Variants in PRKD1 observed in about 807,000 individuals in gnomAD.
PRKD1 encodes the protein protein kinase D1.
PRKD1 carries 63 observed loss-of-function variants against 95.9 expected under a neutral mutation model. The ratio of observed to expected loss-of-function variants is 0.66; its 90% CI spans 0.54 to 0.81. The LOEUF (loss-of-function observed/expected upper bound fraction) is 0.81, where lower values mean the gene tolerates loss of function less well. Ranked by LOEUF, PRKD1 falls within the 30% of genes least tolerant of loss-of-function variation. The pLI is 0.00. For synonymous variants in PRKD1, 425 were observed against 423.1 expected, an observed-to-expected ratio of 1.00 and a Z score of -0.05; for missense variants, 1,048 against 1,165.3, an observed-to-expected ratio of 0.90 and a Z score of 1.47.
At position 29,666,120 on chromosome 14, in the gene PRKD1, T is replaced by G; in HGVS notation, c.492A>C (p.Gly164=). ...GACGTACCAGCCCCCACAGCATTTC[T>G]CCACAGTGATCACAGAAAGCTGGAG... ...YRAPAFCDHC[G]EMLWGLVRQG... Residue 164 remains glycine (G), a synonymous_variant, in exon 3 of 18, where the codon GGA becomes GGC. Transcript: ENST00000331968. 1 of 1,605,862 alleles carries G rather than the reference T, an allele frequency of 6.2e-7. No homozygotes were observed.
Position 29,926,572 on chromosome 14 carries a change from C to CG in PRKD1, c.264+676dup, listed in dbSNP as rs776586944. Among the ~76,000 whole-genome samples the CG allele has an allele frequency of 5.1e-4, 78 of 152,220 alleles. No individual in the cohort carries two copies. The Middle Eastern group carries it at 0.01, about 20-fold the overall frequency. On this transcript the variant is annotated intron_variant, in intron 1 of 17. Coordinates refer to ENST00000331968, the MANE Select transcript of PRKD1 (RefSeq NM_002742.3). ...TCAAACTTAAGGACACAGCCAGCCT[C>CG]GGGGTGTTCCTGGACATCACCCCCA... is the stretch of plus-strand genomic sequence containing the variant.
chr14:29,922,716 T>C lies in PRKD1; in HGVS notation c.264+4533A>G, dbSNP rs938360112. Among the ~76,000 whole-genome samples, 3 of 151,728 alleles carry C rather than the reference T, an allele frequency of 2.0e-5. No homozygotes were observed. In the South Asian group the frequency reaches 6.3e-4, roughly 32 times the overall value. Reference sequence around the variant, plus strand: ...CTGGGCAACACAGTGAGACATTGTCTGTATAAAAAAATTATAAAAATTAGT... The same window carrying C: ...CTGGGCAACACAGTGAGACATTGTCCGTATAAAAAAATTATAAAAATTAGT... On this transcript the variant is annotated intron_variant, in intron 1 of 17. Coordinates refer to ENST00000331968, the MANE Select transcript of PRKD1 (RefSeq NM_002742.3).
At chr14:29,717,464 A>G (rs1257958774) in intron 2 of PRKD1, among the ~76,000 whole-genome samples, 2 of 152,150 alleles carry the variant, frequency 1.3e-5, no homozygotes, top group Non-Finnish European at 2.9e-5. Context: ...ATAAGAAATA[A>G]ATGACAACTC....
At chr14:29,898,102 G>A (rs763889499) in intron 1 of PRKD1, among the ~76,000 whole-genome samples, 13 of 152,038 alleles carry the variant, frequency 8.6e-5, no homozygotes, top group Non-Finnish European at 1.5e-4. Flanking sequence ...TGGAAGTTTT[G>A]AATTTAGAAG....
At chr14:29,687,238 G>A (rs985229148) in intron 2 of PRKD1, among the ~76,000 whole-genome samples, 5 of 152,126 alleles carry the variant, frequency 3.3e-5, no homozygotes, top group Middle Eastern at 3.2e-3. Context: ...ACGTGCTTGC[G>A]GTAATCTCTT....
intron 2 of PRKD1, among the ~76,000 whole-genome samples, chr14:29,717,412 G>C (rs993257123): frequency 3.3e-5 from 5 of 151,970 alleles, no homozygotes; most frequent in Non-Finnish European, 5.9e-5. Context: ...TACAGCAGAT[G>C]GATCAAGATT....
rs553110648 is a variant in PRKD1, at chr14:29,871,145, G to A, written c.264+56104C>T. ...GGACTGTCATACTCCTACACAGGGA[G>A]CCTCTGCTCAAAACTGAGCAGAGAC... On this transcript the variant is annotated intron_variant, in intron 1 of 17. Transcript: ENST00000331968. 1.9e-3 allele frequency among the ~76,000 whole-genome samples: 293 copies of A among 152,224 alleles called. 2 individuals are homozygous for A. The highest frequency in any genetic ancestry group is 9.7e-4 in the Non-Finnish European group (66 of 68,016).
intron 1 of PRKD1, among the ~76,000 whole-genome samples, chr14:29,820,906 T>A (rs1027323955): frequency 1.3e-5 from 2 of 152,174 alleles, no homozygotes; most frequent in African/African-American, 4.8e-5. Context: ...TGAGTTGTAC[T>A]CAGCAAACCC....
chr14:29,634,371 A>C (rs1880224961), intron 8 of PRKD1, 47 bp downstream of exon 8: 1 of 1,612,992 alleles, frequency 6.2e-7, no homozygotes, highest in Admixed American at 1.7e-5. Flanking sequence ...CAACTCCTCT[A>C]ATTAAAGCTA....
chr14:29,850,985 A>C (rs1892286958), intron 1 of PRKD1, among the ~76,000 whole-genome samples: 1 of 152,178 alleles, frequency 6.6e-6, no homozygotes, highest in African/African-American at 2.4e-5. Context: ...GTCAACAAAA[A>C]TAAGCAATGG....
At chr14:29,878,356 A>C (rs1893380748) in intron 1 of PRKD1, among the ~76,000 whole-genome samples, 1 of 151,496 alleles carries the variant, frequency 6.6e-6, no homozygotes, top group Non-Finnish European at 1.5e-5. Flanking sequence ...AAAAAAAAAA[A>C]AAAAAACCTA....
chr14:29,790,817 T>C (rs930022174), intron 1 of PRKD1, among the ~76,000 whole-genome samples: 14 of 152,266 alleles, frequency 9.2e-5, no homozygotes, highest in African/African-American at 3.1e-4. Flanking sequence ...AAAAAGTTAG[T>C]CTTGCATTTT....
At chr14:29,627,533 CT>C (rs1433836762) in intron 11 of PRKD1, among the ~76,000 whole-genome samples, 1 of 152,178 alleles carries the variant, frequency 6.6e-6, no homozygotes, top group African/African-American at 2.4e-5. Context: ...GTTTTATTGT[CT>C]GTGATTTCAT....
chr14:29,577,113 T>C lies in PRKD1; in HGVS notation c.*125A>G. On this transcript the variant is annotated 3_prime_UTR_variant, in exon 18 of 18. Coordinates refer to ENST00000331968, the MANE Select transcript of PRKD1 (RefSeq NM_002742.3). ...GGCAACTCAGATACATCAACAGTGC[T>C]AACAGTTTAACAGCTTTGTTCTCAT... 6 of 991,752 alleles carry C rather than the reference T, an allele frequency of 6.0e-6. No individual in the cohort carries two copies. The highest frequency in any genetic ancestry group is 9.0e-6 in the Non-Finnish European group (6 of 664,408). 61.4% of individuals were successfully genotyped at this position (991,752 alleles called of 1,614,324 possible).
chr14:29,602,001 G>T (rs1201810737), intron 13 of PRKD1, among the ~76,000 whole-genome samples: 1 of 152,188 alleles, frequency 6.6e-6, no homozygotes, highest in Admixed American at 6.5e-5. Flanking sequence ...CAAAGTACAC[G>T]TTCCTCTTTG....
intron 2 of PRKD1, among the ~76,000 whole-genome samples, chr14:29,688,793 C>A (rs576308269): frequency 1.3e-5 from 2 of 151,106 alleles, no homozygotes; most frequent in Non-Finnish European, 3.0e-5. Flanking sequence ...ATTAGCCGGG[C>A]GTGGCAGCGT....
chr14:29,865,663 A>C (rs778594875), intron 1 of PRKD1, among the ~76,000 whole-genome samples: 1 of 152,300 alleles, frequency 6.6e-6, no homozygotes. Flanking sequence ...AGTCTCCAGA[A>C]CCAGAAGACA....
chr14:29,910,484 T>C (rs1894668918), intron 1 of PRKD1, among the ~76,000 whole-genome samples: 1 of 152,124 alleles, frequency 6.6e-6, no homozygotes, highest in Non-Finnish European at 1.5e-5. Context: ...TTGGACACAG[T>C]TTCACAAAGC....
At chr14:29,710,782 T>C (rs907957159) in intron 2 of PRKD1, among the ~76,000 whole-genome samples, 1 of 151,964 alleles carries the variant, frequency 6.6e-6, no homozygotes, top group Non-Finnish European at 1.5e-5. Context: ...AAACTGTGTA[T>C]ATTTTGCTAC....
Sources: gnomAD v4.1 joint callset for allele counts (sites outside exome capture counted in the v4.1 genomes callset) on GRCh38, gnomAD v4.1.1 for gene constraint, MANE v1.5 for transcripts, NCBI Gene and HGNC (gene_info 2026-07-23, HGNC 2026-07-21) for gene names.